KATNIP: variants seen among roughly 807,000 people sequenced by gnomAD.
The protein encoded by KATNIP is katanin interacting protein, also known as katanin-interacting protein.
A neutral mutation model predicts 174.0 loss-of-function variants in KATNIP; 126 were observed. The observed-to-expected ratio is 0.72, with a 90% confidence interval of 0.63 to 0.84. KATNIP has a LOEUF of 0.84. Ranked by LOEUF, KATNIP falls within the 40% of genes least tolerant of loss-of-function variation. KATNIP has a pLI of 0.00. For synonymous variants in KATNIP, 810 were observed against 835.7 expected, an observed-to-expected ratio of 0.97 and a Z score of 0.53; for missense variants, 1,958 against 2,109.7, an observed-to-expected ratio of 0.93 and a Z score of 1.41.
chr16:27,690,776 A>G (rs2078702117), intron 8 of KATNIP, among the ~76,000 whole-genome samples: 2 of 152,184 alleles, frequency 1.3e-5, no homozygotes. Context: ...GCATGTGACC[A>G]CAGGGAGTGG....
rs2082626375 is a variant in KATNIP at position 27,779,735 on chromosome 16, T to TA, written c.*1107dup. On this transcript the variant is annotated 3_prime_UTR_variant, in exon 28 of 28. Coordinates refer to ENST00000261588, the MANE Select transcript of KATNIP (RefSeq NM_015202.5). ...AGCCGAGTGAAGCCCAGAACGCATC[T>TA]ATATGCATCGATGTAACAAGCTCGG... The TA allele has an allele frequency of 6.6e-6, 1 of 151,862 alleles. No individual in the cohort carries two copies. Among genetic ancestry groups the TA allele is most frequent in the Non-Finnish European group, 1.5e-5 (1 of 68,020 alleles). The allele number at this position is 151,862 out of a possible 1,614,324, so 9.4% of individuals were successfully genotyped here. A position where few individuals can be genotyped will look rare whatever the true frequency, so the allele number is the denominator to read the frequency against.
chr16:27,747,915 A>G (rs1021379462), intron 15 of KATNIP, among the ~76,000 whole-genome samples: 7 of 152,162 alleles, frequency 4.6e-5, no homozygotes, highest in African/African-American at 1.7e-4. Context: ...AAAGAGGGGA[A>G]AGTGCCAGTG....
At chr16:27,763,442 A>T (rs1301539798) in intron 19 of KATNIP, among the ~76,000 whole-genome samples, 1 of 79,854 alleles carries the variant, frequency 1.3e-5, no homozygotes, top group Admixed American at 1.2e-4. Flanking sequence ...TTGTGTCTCT[A>T]AAAAAAAAAA....
At chr16:27,610,850 C>T (rs1479897851) in intron 2 of KATNIP, among the ~76,000 whole-genome samples, 3 of 152,230 alleles carry the variant, frequency 2.0e-5, no homozygotes, top group Non-Finnish European at 2.9e-5. Flanking sequence ...TATCTGATTG[C>T]CTCCTTTGGA....
At chr16:27,778,534 G>C in intron 27 of KATNIP, 40 bp from the exon 28 acceptor site, 2 of 1,604,238 alleles carry the variant, frequency 1.2e-6, no homozygotes, top group Non-Finnish European at 1.7e-6. Flanking sequence ...CAGGGTTTGA[G>C]ACTTAGTAAC....
chr16:27,592,571 T>G (rs2075210689), intron 2 of KATNIP, among the ~76,000 whole-genome samples: 1 of 151,954 alleles, frequency 6.6e-6, no homozygotes, highest in South Asian at 2.1e-4. Context: ...TGAGCTGAGA[T>G]CACGCCACTG....
chr16:27,628,605 A>G lies in KATNIP; in HGVS notation c.141-56A>G, dbSNP rs2076397383. The G allele has an allele frequency of 6.4e-6, 10 of 1,574,318 alleles. No homozygotes were observed. The South Asian group carries it at 1.1e-4, about 18-fold the overall frequency. On this transcript the variant is annotated intron_variant, in intron 3 of 27. Transcript: ENST00000261588. The stretch of plus-strand genomic sequence containing the variant: ...AGCAGTTCACTCCTGGCTTGGGGGT[A>G]CAGCAGCCCAGACTCTCAAATGATG...
intron 2 of KATNIP, among the ~76,000 whole-genome samples, chr16:27,574,610 G>A (rs1471937056): frequency 7.4e-6 from 1 of 135,148 alleles, no homozygotes; most frequent in Non-Finnish European, 1.5e-5. Flanking sequence ...TGTTGCCCAG[G>A]CTGGAGTGCA....
At chr16:27,736,253 T>C (rs2080891095) in intron 14 of KATNIP, among the ~76,000 whole-genome samples, 1 of 152,182 alleles carries the variant, frequency 6.6e-6, no homozygotes, top group Non-Finnish European at 1.5e-5. Context: ...TCCATCCACC[T>C]CGGCCTACCA....
At chr16:27,553,539 G>C (rs2089481657) in intron 1 of KATNIP, among the ~76,000 whole-genome samples, 1 of 152,178 alleles carries the variant, frequency 6.6e-6, no homozygotes, top group Non-Finnish European at 1.5e-5. Context: ...TGATGGTTGG[G>C]TTCAGTGGCT....
intron 14 of KATNIP, among the ~76,000 whole-genome samples, chr16:27,738,042 G>A (rs531513959): frequency 2.0e-5 from 3 of 152,242 alleles, no homozygotes; most frequent in South Asian, 2.1e-4. Context: ...ATTCACTGAC[G>A]GGGTGACGGA....
chr16:27,555,823 C>T (rs1350977259), intron 1 of KATNIP, among the ~76,000 whole-genome samples: 9 of 140,004 alleles, frequency 6.4e-5, no homozygotes, highest in Admixed American at 1.5e-4. Flanking sequence ...GCAACAAGAG[C>T]GAAACTCCGT....
chr16:27,661,945 T>C (rs1312842387), intron 6 of KATNIP, among the ~76,000 whole-genome samples: 12 of 65,310 alleles, frequency 1.8e-4, no homozygotes, highest in African/African-American at 3.4e-4. Context: ...TATATATATA[T>C]ATATATATAT....
intron 14 of KATNIP, among the ~76,000 whole-genome samples, chr16:27,738,416 T>A (rs1400337009): frequency 6.6e-6 from 1 of 152,036 alleles, no homozygotes; most frequent in Non-Finnish European, 1.5e-5. Context: ...ATATGCACAG[T>A]TTATTGTATG....
intron 20 of KATNIP, among the ~76,000 whole-genome samples, chr16:27,766,886 T>C (rs1193321327): frequency 1.3e-5 from 2 of 152,122 alleles, no homozygotes; most frequent in African/African-American, 4.8e-5. Context: ...TCTTAGGGTC[T>C]AAAACTGAGG....
chr16:27,758,633 C>T (rs770458920), intron 18 of KATNIP, among the ~76,000 whole-genome samples: 40 of 152,172 alleles, frequency 2.6e-4, no homozygotes, highest in African/African-American at 8.7e-4. Flanking sequence ...CTCCCTTGGC[C>T]GCTTGGTTCC....
At chr16:27,600,233 C>T (rs1278452083) in intron 2 of KATNIP, among the ~76,000 whole-genome samples, 1 of 152,150 alleles carries the variant, frequency 6.6e-6, no homozygotes, top group Non-Finnish European at 1.5e-5. Flanking sequence ...AACGCAGTCC[C>T]ACATGGTCGG....
At chr16:27,735,880 G>A (rs1022517646) in intron 14 of KATNIP, among the ~76,000 whole-genome samples, 34 of 152,162 alleles carry the variant, frequency 2.2e-4, no homozygotes, top group African/African-American at 7.5e-4. Flanking sequence ...GGAAATAAAC[G>A]ATCTGGAGGT....
At chr16:27,699,309 C>A (rs1248474899) in intron 9 of KATNIP, among the ~76,000 whole-genome samples, 2 of 152,200 alleles carry the variant, frequency 1.3e-5, no homozygotes, top group Non-Finnish European at 2.9e-5. Context: ...GGCCCTGTCA[C>A]CAGCACCGGT....
Sources: allele counts gnomAD v4.1 joint callset (sites outside exome capture counted in the v4.1 genomes callset), GRCh38; gene constraint gnomAD v4.1.1; transcripts MANE v1.5; gene names NCBI Gene and HGNC (gene_info 2026-07-23, HGNC 2026-07-21).